CLSTN2: variants seen among roughly 807,000 people sequenced by gnomAD.
The protein encoded by CLSTN2 is calsyntenin 2.
A neutral mutation model predicts 101.2 loss-of-function variants in CLSTN2; 48 were observed. The ratio of observed to expected loss-of-function variants is 0.47; its 90% CI spans 0.38 to 0.60. CLSTN2 has a LOEUF of 0.60. CLSTN2 is among the 20% of genes least tolerant of loss of function. The pLI is 0.00. For synonymous variants in CLSTN2, 481 were observed against 463.6 expected, an observed-to-expected ratio of 1.04 and a Z score of -0.48; for missense variants, 1,160 against 1,238.2, an observed-to-expected ratio of 0.94 and a Z score of 0.95.
At chr3:140,093,090 G>A (rs1235805161) in intron 1 of CLSTN2, among the ~76,000 whole-genome samples, 2 of 152,184 alleles carry the variant, frequency 1.3e-5, no homozygotes, top group Non-Finnish European at 2.9e-5. Flanking sequence ...GCTGGACAGA[G>A]AGAGAGAAGG....
At position 140,573,144 on chromosome 3, in the gene CLSTN2, C is replaced by A. The variant is rs1985613763; in HGVS notation, c.*6891C>A. On this transcript the variant is annotated 3_prime_UTR_variant, in exon 17 of 17. Transcript: ENST00000458420. ...AGAAACACTGAAACTGCAGCAGTGA[C>A]CCTGGTCACTAGGAGAGCTGCTTTC... 6.6e-6 allele frequency: 1 copy of A among 152,200 alleles called. No homozygotes were observed. The highest frequency in any genetic ancestry group is 1.5e-5 in the Non-Finnish European group (1 of 68,036). 9.4% of individuals were successfully genotyped at this position (152,200 alleles called of 1,614,324 possible).
intron 1 of CLSTN2, among the ~76,000 whole-genome samples, chr3:140,019,287 G>T (rs1336963819): frequency 6.6e-6 from 1 of 152,196 alleles, no homozygotes; most frequent in African/African-American, 2.4e-5. Context: ...AGTAGACTTT[G>T]AGTAAAGCAG....
intron 2 of CLSTN2, among the ~76,000 whole-genome samples, chr3:140,236,247 A>G (rs1219525471): frequency 6.6e-6 from 1 of 152,196 alleles, no homozygotes; most frequent in African/African-American, 2.4e-5. Flanking sequence ...AAACCTTAAC[A>G]TAGCCCTAAG....
chr3:140,005,069 A>G (rs2006926544), intron 1 of CLSTN2, among the ~76,000 whole-genome samples: 1 of 152,148 alleles, frequency 6.6e-6, no homozygotes, highest in Non-Finnish European at 1.5e-5. Flanking sequence ...CCTGGATCTT[A>G]CACCCACTAG....
At chr3:140,311,831 C>A (rs892762440) in intron 2 of CLSTN2, among the ~76,000 whole-genome samples, 1 of 152,172 alleles carries the variant, frequency 6.6e-6, no homozygotes, top group Non-Finnish European at 1.5e-5. Context: ...AGATCCTGGG[C>A]TCCAGGTGGA....
intron 2 of CLSTN2, among the ~76,000 whole-genome samples, chr3:140,290,695 G>A (rs2086938850): frequency 1.3e-5 from 2 of 152,228 alleles, no homozygotes; most frequent in African/African-American, 4.8e-5. Context: ...TTGGAGCATA[G>A]AATGGATAAT....
At chr3:140,555,733 T>C (rs960095972) in intron 10 of CLSTN2, among the ~76,000 whole-genome samples, 6 of 152,180 alleles carry the variant, frequency 3.9e-5, no homozygotes, top group Non-Finnish European at 8.8e-5. Context: ...TTCAGGGCAG[T>C]ACAAAGGCAG....
rs143005006 is a variant in CLSTN2 at position 140,033,488 on chromosome 3, A to G, written c.109+98005A>G. On this transcript the variant is annotated intron_variant, in intron 1 of 16. Transcript: ENST00000458420. Reference sequence around the variant, plus strand: ...TAGCCAGATGTCCTCCCCAGAGGCCATTAGCACATATTAAGTGTGTGTGCA... The same window carrying G: ...TAGCCAGATGTCCTCCCCAGAGGCCGTTAGCACATATTAAGTGTGTGTGCA... Among the ~76,000 whole-genome samples the G allele has an allele frequency of 1.1e-3, 164 of 152,328 alleles. 1 individual carries two copies. Among genetic ancestry groups the G allele is most frequent in the African/African-American group, 3.8e-3 (158 of 41,566 alleles).
chr3:140,022,954 T>G (rs1474078670), intron 1 of CLSTN2, among the ~76,000 whole-genome samples: 1 of 152,166 alleles, frequency 6.6e-6, no homozygotes, highest in East Asian at 1.9e-4. Flanking sequence ...GCATCTCTAA[T>G]ATAGCAAAGG....
intron 2 of CLSTN2, among the ~76,000 whole-genome samples, chr3:140,221,365 A>C (rs558837782): frequency 2.6e-5 from 4 of 152,212 alleles, no homozygotes; most frequent in Non-Finnish European, 5.9e-5. Context: ...TCAACTTTGC[A>C]GAGGGTGCTA....
intron 1 of CLSTN2, among the ~76,000 whole-genome samples, chr3:140,154,640 C>CTTTTT: frequency 9.3e-6 from 1 of 108,094 alleles, no homozygotes; most frequent in East Asian, 2.8e-4. Flanking sequence ...GAAGTATCAC[C>CTTTTT]CTTTTTTTTT....
chr3:140,436,068 T>C (rs910995093), intron 5 of CLSTN2, among the ~76,000 whole-genome samples: 6 of 152,220 alleles, frequency 3.9e-5, no homozygotes, highest in Non-Finnish European at 5.9e-5. Flanking sequence ...CAGAAGCTTT[T>C]TAACTTGATG....
chr3:140,287,059 A>G (rs1438630803), intron 2 of CLSTN2, among the ~76,000 whole-genome samples: 2 of 152,176 alleles, frequency 1.3e-5, no homozygotes, highest in African/African-American at 4.8e-5. Flanking sequence ...TCAAAGTAGA[A>G]TATAATAGTG....
intron 15 of CLSTN2, 26 bp downstream of exon 15, chr3:140,563,229 T>C: frequency 1.2e-6 from 2 of 1,611,272 alleles, no homozygotes; most frequent in Non-Finnish European, 1.7e-6. Flanking sequence ...GGAGGGACCC[T>C]CAGGACACAG....
chr3:140,465,664 C>T (rs1277759758), intron 7 of CLSTN2, among the ~76,000 whole-genome samples: 1 of 152,200 alleles, frequency 6.6e-6, no homozygotes, highest in East Asian at 1.9e-4. Context: ...GTATTCCATT[C>T]TTGGGATACA....
At chr3:140,524,894 T>G (rs1387430144) in intron 8 of CLSTN2, among the ~76,000 whole-genome samples, 2 of 152,186 alleles carry the variant, frequency 1.3e-5, no homozygotes, top group African/African-American at 2.4e-5. Flanking sequence ...TTCCTTGAAA[T>G]TATTGAAAAT....
intron 2 of CLSTN2, among the ~76,000 whole-genome samples, chr3:140,225,717 C>G (rs1051391884): frequency 2.6e-5 from 4 of 152,046 alleles, no homozygotes; most frequent in African/African-American, 9.7e-5. Flanking sequence ...AGGATGTACT[C>G]AATCTCCTGA....
chr3:139,975,454 A>G (rs548409449), intron 1 of CLSTN2, among the ~76,000 whole-genome samples: 9 of 152,270 alleles, frequency 5.9e-5, no homozygotes, highest in African/African-American at 2.2e-4. Context: ...ATGAATGAAT[A>G]CCATTATGTC....
At chr3:140,559,770 A>T (rs1161721844) in intron 12 of CLSTN2, among the ~76,000 whole-genome samples, 1 of 152,150 alleles carries the variant, frequency 6.6e-6, no homozygotes, top group Non-Finnish European at 1.5e-5. Context: ...TAAGTCCCTG[A>T]GGAGCTGCTG....
Sources: allele counts gnomAD v4.1 joint callset (sites outside exome capture counted in the v4.1 genomes callset), GRCh38; gene constraint gnomAD v4.1.1; transcripts MANE v1.5; gene names NCBI Gene and HGNC (gene_info 2026-07-23, HGNC 2026-07-21).